Variants in FGF14 observed in about 807,000 individuals in gnomAD.
FGF14 encodes the protein fibroblast growth factor 14.
In FGF14, 5 loss-of-function variants were observed where a neutral mutation model predicts 25.5. That is an observed-to-expected ratio of 0.20 (90% CI 0.10 to 0.41). The LOEUF is 0.41. Ranked by LOEUF, FGF14 falls within the 10% of genes least tolerant of loss-of-function variation. The pLI is 1.00. For synonymous variants in FGF14, 138 were observed against 118.3 expected (o/e 1.17, Z -1.08); for missense variants, 222 against 320.1 (o/e 0.69, Z 2.34).
chr13:102,189,039 A>G (rs1309604391), intron 1 of FGF14, among the ~76,000 whole-genome samples: 2 of 74,920 alleles, frequency 2.7e-5, no homozygotes, highest in Non-Finnish European at 6.0e-5. Context: ...AGAAAGAAAG[A>G]AAGAGAAAGA....
intron 1 of FGF14, among the ~76,000 whole-genome samples, chr13:102,150,802 G>A (rs2047050813): frequency 6.6e-6 from 1 of 152,148 alleles, no homozygotes; most frequent in South Asian, 2.1e-4. Flanking sequence ...AAGGGTCTAG[G>A]AGGTCTACTG....
Position 101,916,583 on chromosome 13 carries a change from C to A in FGF14, c.63G>T (p.Trp21Cys). 1 of 1,605,422 alleles carries A rather than the reference C, an allele frequency of 6.2e-7. No individual in the cohort carries two copies. Among genetic ancestry groups the A allele is most frequent in the East Asian group, 2.3e-5 (1 of 43,982 alleles). The change falls in exon 1 of 5, where the codon TGG becomes TGT. Residue 21 changes from tryptophan (W) to cysteine (C), a missense_variant. By Grantham distance (215) the Trp-to-Cys change is radical. Transcript: ENST00000376143. ...RQKRQAREQH[W>C]DRPSASRRRS... The stretch of plus-strand genomic sequence containing the variant: ...GCCTCCTGCTGGCAGACGGCCGGTC[C>A]CAGTGCTGCTCCCGCGCCTGCCGCT...
chr13:101,805,568 G>A (rs934544261), intron 3 of FGF14, among the ~76,000 whole-genome samples: 7 of 152,132 alleles, frequency 4.6e-5, no homozygotes, highest in South Asian at 2.1e-4. Context: ...ATGTAGTGGC[G>A]TTTTCCTACA....
chr13:102,004,142 A>G (rs1280195183), intron 1 of FGF14, among the ~76,000 whole-genome samples: 1 of 151,932 alleles, frequency 6.6e-6, no homozygotes, highest in Non-Finnish European at 1.5e-5. Context: ...CAAATAAAAT[A>G]AAATAGCATT....
At chr13:101,916,320 CAG>C in intron 1 of FGF14, 131 bp downstream of exon 1, 1 of 1,110,722 alleles carries the variant, frequency 9.0e-7, no homozygotes. Context: ...CGACGGCACC[CAG>C]AGTGCTCAGA....
intron 1 of FGF14, among the ~76,000 whole-genome samples, chr13:102,349,635 C>T (rs1041623381): frequency 2.0e-5 from 3 of 152,150 alleles, no homozygotes; most frequent in Non-Finnish European, 2.9e-5. Flanking sequence ...ACAGTTTTGA[C>T]TTTCTTTTTA....
chr13:101,853,228 A>G (rs2043948881), intron 3 of FGF14, among the ~76,000 whole-genome samples: 2 of 152,052 alleles, frequency 1.3e-5, no homozygotes, highest in South Asian at 4.1e-4. Flanking sequence ...TATTTCCAAG[A>G]CAACCTTTCT....
intron 1 of FGF14, among the ~76,000 whole-genome samples, chr13:102,324,180 T>A (rs1489416532): frequency 6.6e-6 from 1 of 152,002 alleles, no homozygotes; most frequent in African/African-American, 2.4e-5. Flanking sequence ...AACTCTAAGA[T>A]AAAAGTGGAA....
chr13:102,366,062 A>G (rs1432808498), intron 1 of FGF14, among the ~76,000 whole-genome samples: 2 of 152,198 alleles, frequency 1.3e-5, no homozygotes, highest in African/African-American at 2.4e-5. Context: ...ATGGGCATCA[A>G]TGGTTAGTGA....
chr13:101,873,663 A>G (rs2045235963), intron 2 of FGF14, among the ~76,000 whole-genome samples: 1 of 152,120 alleles, frequency 6.6e-6, no homozygotes, highest in Non-Finnish European at 1.5e-5. Context: ...GGGAAAAGAA[A>G]CTGAGCAGAG....
At chr13:102,263,538 A>T (rs1221972472) in intron 1 of FGF14, among the ~76,000 whole-genome samples, 1 of 152,220 alleles carries the variant, frequency 6.6e-6, no homozygotes, top group Non-Finnish European at 1.5e-5. Context: ...CAATATTCTC[A>T]TTTTATGCCA....
chr13:101,722,516 AG>A lies in FGF14; in HGVS notation c.*314del. 2.5e-6 allele frequency: 1 copy of A among 397,098 alleles called. No homozygotes were observed. Among genetic ancestry groups the A allele is most frequent in the Admixed American group, 3.7e-5 (1 of 26,818 alleles). The allele number at this position is 397,098 out of a possible 1,614,324, so 24.6% of individuals were successfully genotyped here. On this transcript the variant is annotated 3_prime_UTR_variant, in exon 5 of 5. Coordinates refer to ENST00000376143, the MANE Select transcript of FGF14 (RefSeq NM_004115.4). The stretch of plus-strand genomic sequence containing the variant: ...GATTATGGGTAGCTGTCAGCAGGCA[AG>A]GTATCGAGTGTACTTGTGAAGTATG...
chr13:102,199,158 G>C (rs1252865600), intron 1 of FGF14, among the ~76,000 whole-genome samples: 1 of 152,112 alleles, frequency 6.6e-6, no homozygotes, highest in African/African-American at 2.4e-5. Flanking sequence ...CTTCATAGTG[G>C]AAACTGTCCA....
At position 102,324,846 on chromosome 13, in the gene FGF14, A is replaced by C. The variant is rs111348033; in HGVS notation, c.208+76625T>G. On this transcript the variant is annotated intron_variant, in intron 1 of 4. Coordinates refer to the FGF14 transcript ENST00000376131. ...CAAAACGTGTTACAAATGTGAATAC[A>C]CTTAAATAATAACTCCTTAAAACTC... Among the ~76,000 whole-genome samples, 320 of 152,360 alleles carry C rather than the reference A, an allele frequency of 2.1e-3. 2 individuals carry two copies. The highest frequency in any genetic ancestry group is 7.3e-3 in the African/African-American group (303 of 41,584).
chr13:102,401,601 G>A, exon 1 of FGF14: 1 of 1,614,136 alleles, frequency 6.2e-7, no homozygotes, highest in African/African-American at 1.3e-5. Context: ...TAGACACCCT[G>A]AGAAAGAAGA....
chr13:101,873,195 A>T (rs1224666281), intron 2 of FGF14, among the ~76,000 whole-genome samples: 1 of 152,174 alleles, frequency 6.6e-6, no homozygotes, highest in South Asian at 2.1e-4. Context: ...CTGAAGCAGT[A>T]TGCTTTTAAA....
chr13:102,318,108 G>A (rs1263421429), intron 1 of FGF14, among the ~76,000 whole-genome samples: 1 of 152,192 alleles, frequency 6.6e-6, no homozygotes, highest in Non-Finnish European at 1.5e-5. Context: ...GGGAGTTGGA[G>A]GCCCCAGCCA....
chr13:102,216,105 C>T (rs943557309), intron 1 of FGF14, among the ~76,000 whole-genome samples: 1 of 152,158 alleles, frequency 6.6e-6, no homozygotes, highest in African/African-American at 2.4e-5. Context: ...CCTATGAAAG[C>T]ATGGTAAAAG....
At chr13:101,789,319 C>T (rs1041255) in intron 3 of FGF14, among the ~76,000 whole-genome samples, 68,008 of 151,730 alleles carry the variant, frequency 0.45, 17,217 homozygotes, top group Middle Eastern at 0.57. Flanking sequence ...GTTCTTTCTT[C>T]CTCAACAGGT....
Sources: allele counts gnomAD v4.1 joint callset (sites outside exome capture counted in the v4.1 genomes callset), GRCh38; gene constraint gnomAD v4.1.1; transcripts MANE v1.5; gene names NCBI Gene and HGNC (gene_info 2026-07-23, HGNC 2026-07-21).